XYLT1: variants seen among roughly 807,000 people sequenced by gnomAD.
The protein encoded by XYLT1 is xylosyltransferase 1, also known as beta-D-xylosyltransferase 1.
XYLT1 carries 36 observed loss-of-function variants against 91.3 expected under a neutral mutation model. The observed-to-expected ratio is 0.39, with a 90% CI of 0.30 to 0.52. The LOEUF (loss-of-function observed/expected upper bound fraction) is 0.52. XYLT1 is among the 20% of genes least tolerant of loss of function. The pLI, the probability that XYLT1 is intolerant of heterozygous loss-of-function variation, is 0.68. For synonymous variants in XYLT1, 588 were observed against 532.0 expected (o/e 1.11, Z -1.45); for missense variants, 1,242 against 1,284.5 (o/e 0.97, Z 0.51).
rs545790215 is a variant in XYLT1 at position 17,280,462 on chromosome 16, G to C, written c.403-20964C>G. On this transcript the variant is annotated intron_variant, in intron 2 of 11. Transcript: ENST00000261381. ...ATTTTCCTAATACAAATATGTGTCA[G>C]ATATAAAAAATTCCAATACAATCTA... Among the ~76,000 whole-genome samples, 5 of 152,270 alleles carry C rather than the reference G, an allele frequency of 3.3e-5. No individual in the cohort carries two copies. The South Asian group carries it at 1.0e-3, about 32-fold the overall frequency.
chr16:17,143,920 T>C (rs895146464), intron 6 of XYLT1, among the ~76,000 whole-genome samples: 1 of 152,134 alleles, frequency 6.6e-6, no homozygotes, highest in Admixed American at 6.5e-5. Context: ...TCGTCACCAA[T>C]TTCAGTATCA....
At chr16:17,328,548 C>CAAAAAAAAAAAAAA (rs71373105) in intron 2 of XYLT1, among the ~76,000 whole-genome samples, 5 of 51,254 alleles carry the variant, frequency 9.8e-5, no homozygotes, top group Non-Finnish European at 9.8e-5. Context: ...GACTCCTTCT[C>CAAAAAAAAAAAAAA]AAAAAAAAAA....
At chr16:17,192,135 G>A (rs1307121703) in intron 5 of XYLT1, among the ~76,000 whole-genome samples, 1 of 135,300 alleles carries the variant, frequency 7.4e-6, no homozygotes, top group Non-Finnish European at 1.5e-5. Flanking sequence ...TTTCACTCCT[G>A]CTGCCCGGGC....
At chr16:17,249,655 TTTGTTTG>T (rs2033504514) in intron 3 of XYLT1, 3 of 23,026 alleles carry the variant, frequency 1.3e-4, no homozygotes, top group Non-Finnish European at 2.5e-4. Context: ...AGTTTTTTTG[TTTGTTTG>T]TTTGTTTGTT....
At chr16:17,255,272 T>C (rs2033614217) in intron 3 of XYLT1, among the ~76,000 whole-genome samples, 1 of 152,180 alleles carries the variant, frequency 6.6e-6, no homozygotes, top group Non-Finnish European at 1.5e-5. Context: ...GTGCTGGGAT[T>C]ACAGGCATGA....
intron 6 of XYLT1, among the ~76,000 whole-genome samples, chr16:17,156,406 A>T (rs2031409017): frequency 6.6e-6 from 1 of 152,232 alleles, no homozygotes; most frequent in Non-Finnish European, 1.5e-5. Context: ...CTGGAGAAGA[A>T]GAAGGGTTTT....
chr16:17,231,992 A>T (rs1244630206), intron 3 of XYLT1, among the ~76,000 whole-genome samples: 3 of 151,032 alleles, frequency 2.0e-5, no homozygotes, highest in African/African-American at 7.3e-5. Context: ...TAACTAGTCC[A>T]TAGGAATTTT....
At chr16:17,322,093 GT>G (rs2034732693) in intron 2 of XYLT1, among the ~76,000 whole-genome samples, 1 of 152,190 alleles carries the variant, frequency 6.6e-6, no homozygotes, top group South Asian at 2.1e-4. Flanking sequence ...GAACCCCTGA[GT>G]TATCTTACTT....
At chr16:17,200,694 C>T (rs1476994264) in intron 3 of XYLT1, 40 bp from the exon 4 acceptor site, 2 of 1,595,224 alleles carry the variant, frequency 1.3e-6, no homozygotes, top group Admixed American at 1.7e-5. Context: ...GAAAGTGAGG[C>T]TCTGCCATCC....
intron 3 of XYLT1, among the ~76,000 whole-genome samples, chr16:17,238,935 C>T (rs1479332930): frequency 1.3e-5 from 2 of 152,218 alleles, no homozygotes; most frequent in Non-Finnish European, 2.9e-5. Context: ...TGCTCATTTT[C>T]TAGATGCAGT....
chr16:17,264,841 C>A (rs12921663), intron 2 of XYLT1, among the ~76,000 whole-genome samples: 15,473 of 152,202 alleles, frequency 0.1, 909 homozygotes, highest in South Asian at 0.22. Context: ...GTCTCAGTTT[C>A]CTCATTTAAA....
rs57130941 is a variant in XYLT1, at chr16:17,187,566, C to CAAAAA, written c.1289+10641_1289+10645dup. 2.3e-3 allele frequency among the ~76,000 whole-genome samples: 130 copies of CAAAAA among 57,140 alleles called. 4 individuals are homozygous for CAAAAA. The highest frequency in any genetic ancestry group is 3.0e-3 in the African/African-American group (39 of 13,184). 37.5% of individuals were successfully genotyped at this position (57,140 alleles called of 152,430 possible). A position where few individuals can be genotyped will look rare whatever the true frequency, so the allele number is the denominator to read the frequency against. On this transcript the variant is annotated intron_variant, in intron 5 of 11. Transcript: ENST00000261381. Reference sequence around the variant, plus strand: ...TGGGTGACAGAGCCAAACGCTGTCTCAAAAAAAAAAAAAAAAAAAAAAGAA... The same window carrying CAAAAA: ...TGGGTGACAGAGCCAAACGCTGTCTCAAAAAAAAAAAAAAAAAAAAAAAAAAAGAA...
At chr16:17,373,769 T>C (rs767014025) in intron 1 of XYLT1, among the ~76,000 whole-genome samples, 5 of 152,214 alleles carry the variant, frequency 3.3e-5, no homozygotes, top group African/African-American at 7.2e-5. Flanking sequence ...TGCACAGTGT[T>C]GGAGCTAGAA....
At chr16:17,189,183 G>C (rs1567314699) in intron 5 of XYLT1, among the ~76,000 whole-genome samples, 1 of 152,156 alleles carries the variant, frequency 6.6e-6, no homozygotes, top group Non-Finnish European at 1.5e-5. Context: ...GCTTGGTGTT[G>C]AGAGAAGGAA....
chr16:17,338,212 C>T, intron 2 of XYLT1: 1 of 456,522 alleles, frequency 2.2e-6, no homozygotes, highest in South Asian at 1.5e-5. Flanking sequence ...CTTCTGCAAT[C>T]CATTCCCCAC....
intron 2 of XYLT1, among the ~76,000 whole-genome samples, chr16:17,281,558 C>A (rs779747910): frequency 2.6e-5 from 4 of 152,138 alleles, no homozygotes; most frequent in Non-Finnish European, 5.9e-5. Context: ...GAAAAAGGAA[C>A]AATGCTATGG....
chr16:17,439,542 T>C (rs909927895), intron 1 of XYLT1, among the ~76,000 whole-genome samples: 19 of 152,210 alleles, frequency 1.2e-4, no homozygotes, highest in African/African-American at 4.1e-4. Context: ...GAGAAACTTA[T>C]ACCTGCATCC....
intron 1 of XYLT1, among the ~76,000 whole-genome samples, chr16:17,363,281 G>A (rs796849490): frequency 3.9e-5 from 6 of 152,284 alleles, no homozygotes; most frequent in African/African-American, 1.4e-4. Flanking sequence ...TTTAGGGGTC[G>A]CCCCAGAGTT....
intron 2 of XYLT1, among the ~76,000 whole-genome samples, chr16:17,350,141 T>C (rs928445210): frequency 2.0e-5 from 3 of 152,154 alleles, no homozygotes; most frequent in African/African-American, 7.2e-5. Context: ...CCCAAAGTGG[T>C]GGGATTACAG....
Sources: gnomAD v4.1 joint callset for allele counts (sites outside exome capture counted in the v4.1 genomes callset) on GRCh38, gnomAD v4.1.1 for gene constraint, MANE v1.5 for transcripts, NCBI Gene and HGNC (gene_info 2026-07-23, HGNC 2026-07-21) for gene names.